Variants in KCNK9 observed in about 807,000 individuals in gnomAD.
KCNK9 encodes the protein potassium channel subfamily K member 9.
A neutral mutation model predicts 10.8 loss-of-function variants in KCNK9; 1 was observed. That is an observed-to-expected ratio of 0.09 (90% CI 0.03 to 0.44). The LOEUF (loss-of-function observed/expected upper bound fraction) is 0.44. KCNK9 is among the 20% of genes least tolerant of loss of function. The probability of loss-of-function intolerance (pLI) is 0.97; values close to 1 mark genes in which losing one functional copy is unlikely to be tolerated. For synonymous variants in KCNK9, 231 were observed against 222.7 expected, an observed-to-expected ratio of 1.04 and a Z score of -0.33; for missense variants, 303 against 515.0, an observed-to-expected ratio of 0.59 and a Z score of 3.98.
chr8:139,687,374 A>G (rs1816815762), intron 1 of KCNK9, among the ~76,000 whole-genome samples: 1 of 137,690 alleles, frequency 7.3e-6, no homozygotes. Context: ...ATATGTGTAT[A>G]CATATATATG....
At chr8:139,696,794 G>T (rs938515025) in intron 1 of KCNK9, among the ~76,000 whole-genome samples, 10 of 150,550 alleles carry the variant, frequency 6.6e-5, no homozygotes, top group Non-Finnish European at 1.3e-4. Context: ...TGGGTAAATG[G>T]ATATAAATGG....
chr8:139,700,508 A>ACACACACG (rs1392898740), intron 1 of KCNK9, among the ~76,000 whole-genome samples: 1 of 118,346 alleles, frequency 8.4e-6, no homozygotes, highest in East Asian at 2.7e-4. Flanking sequence ...ACACACACAC[A>ACACACACG]CGCGCGCGCG....
At position 139,689,767 on chromosome 8, in the gene KCNK9, C is replaced by T. The variant is rs576956676; in HGVS notation, c.283+12943G>A. 9.0e-4 allele frequency among the ~76,000 whole-genome samples: 137 copies of T among 152,074 alleles called. 1 individual carries two copies. Among genetic ancestry groups the T allele is most frequent in the Non-Finnish European group, 1.2e-3 (80 of 67,982 alleles). On this transcript the variant is annotated intron_variant, in intron 1 of 1. Coordinates refer to ENST00000520439, the MANE Select transcript of KCNK9 (RefSeq NM_001282534.2). ...ACGCCATTCTCCTGCCTCAGCCTCCCGAATAGCTGGGACTACAGGCGCCCG... is the reference window on the plus strand; with the variant it reads ...ACGCCATTCTCCTGCCTCAGCCTCCTGAATAGCTGGGACTACAGGCGCCCG...
At chr8:139,609,726 G>A (rs1309400265), downstream of KCNK9, among the ~76,000 whole-genome samples, 1 of 152,180 alleles carries the variant, frequency 6.6e-6, no homozygotes, top group South Asian at 2.1e-4. Context: ...GTTAATTAAG[G>A]ATCCATATGT....
At chr8:139,652,023 T>C (rs1815880553) in intron 1 of KCNK9, among the ~76,000 whole-genome samples, 1 of 152,084 alleles carries the variant, frequency 6.6e-6, no homozygotes, top group Non-Finnish European at 1.5e-5. Context: ...CTGACATTCT[T>C]TGTGTGCCTG....
chr8:139,675,067 T>C (rs1816519557), intron 1 of KCNK9, among the ~76,000 whole-genome samples: 1 of 152,208 alleles, frequency 6.6e-6, no homozygotes, highest in South Asian at 2.1e-4. Context: ...TTTGGCTGAG[T>C]GAGCTACAGG....
At chr8:139,632,627 CCTT>C (rs1815207932) in intron 1 of KCNK9, among the ~76,000 whole-genome samples, 1 of 152,120 alleles carries the variant, frequency 6.6e-6, no homozygotes, top group African/African-American at 2.4e-5. Flanking sequence ...CTCTCTCTGA[CCTT>C]CTGTTTCTGT....
intron 1 of KCNK9, among the ~76,000 whole-genome samples, chr8:139,641,186 C>A (rs941345683): frequency 6.6e-6 from 1 of 152,138 alleles, no homozygotes; most frequent in Non-Finnish European, 1.5e-5. Context: ...TTGGGGGTAG[C>A]GGTGTGTGCT....
chr8:139,656,018 C>T (rs551401911), intron 1 of KCNK9, among the ~76,000 whole-genome samples: 3 of 151,386 alleles, frequency 2.0e-5, no homozygotes, highest in East Asian at 3.9e-4. Context: ...GCAAGCAGGG[C>T]GGCCCTCTAA....
At chr8:139,700,516 GCGCGCA>G (rs1174055763) in intron 1 of KCNK9, among the ~76,000 whole-genome samples, 171 of 137,878 alleles carry the variant, frequency 1.2e-3, no homozygotes, top group African/African-American at 4.5e-3. Context: ...ACACGCGCGC[GCGCGCA>G]CACACACACA....
chr8:139,691,003 C>A lies in KCNK9; in HGVS notation c.283+11707G>T, dbSNP rs181557877. ...CTGTCTTCCACCAGCCCAGGGTGGG[C>A]TTATGTGGCAAGCATGCTACCACTG... On this transcript the variant is annotated intron_variant, in intron 1 of 1. Transcript: ENST00000520439. 1.1e-4 allele frequency among the ~76,000 whole-genome samples: 17 copies of A among 152,330 alleles called. No individual in the cohort carries two copies. The East Asian group carries it at 3.1e-3, about 28-fold the overall frequency.
chr8:139,650,888 C>A (rs1815842738), intron 1 of KCNK9, among the ~76,000 whole-genome samples: 1 of 152,198 alleles, frequency 6.6e-6, no homozygotes, highest in African/African-American at 2.4e-5. Flanking sequence ...CTTGACACCC[C>A]CGGAAGTGAT....
At chr8:139,678,894 G>A (rs961360050) in intron 1 of KCNK9, among the ~76,000 whole-genome samples, 5 of 152,264 alleles carry the variant, frequency 3.3e-5, no homozygotes, top group African/African-American at 1.2e-4. Flanking sequence ...ACAGGGCACA[G>A]CTAAATCCAG....
chr8:139,602,075 GGAAA>G (rs1186774169), intron 2 of KCNK9: 1 of 152,364 alleles, frequency 6.6e-6, no homozygotes. Context: ...TGCAACAGAA[GGAAA>G]GAAAGTCCTG....
At chr8:139,680,101 C>A (rs1816654466) in intron 1 of KCNK9, among the ~76,000 whole-genome samples, 1 of 152,142 alleles carries the variant, frequency 6.6e-6, no homozygotes. Context: ...TACGGGGACT[C>A]AGGAGTGATG....
intron 1 of KCNK9, among the ~76,000 whole-genome samples, chr8:139,680,035 T>A (rs1361688435): frequency 6.6e-6 from 1 of 152,192 alleles, no homozygotes; most frequent in African/African-American, 2.4e-5. Flanking sequence ...CTGGGGACCA[T>A]GGCTCCCACC....
At chr8:139,694,808 G>A (rs1817013512) in intron 1 of KCNK9, among the ~76,000 whole-genome samples, 1 of 151,874 alleles carries the variant, frequency 6.6e-6, no homozygotes, top group Non-Finnish European at 1.5e-5. Flanking sequence ...GGATGGCTCA[G>A]GGCAGGTCCA....
At chr8:139,641,804 C>T (rs1289263316) in intron 1 of KCNK9, among the ~76,000 whole-genome samples, 2 of 152,210 alleles carry the variant, frequency 1.3e-5, no homozygotes, top group Non-Finnish European at 2.9e-5. Context: ...TCCAATGCAA[C>T]TGCCCTGACA....
rs1465520031 is a variant in KCNK9 at position 139,702,309 on chromosome 8, C to T, written c.283+401G>A. On this transcript the variant is annotated intron_variant, in intron 1 of 1. Coordinates refer to ENST00000520439, the MANE Select transcript of KCNK9 (RefSeq NM_001282534.2). The surrounding 1 kb of genome is among the most constrained non-coding windows in gnomAD (Gnocchi z 7.5). ...GGTGCCAGGCCAGCCCTCTCCAACT[C>T]CCAGAGAGGTAGTAAGTGTAAGGCT... Among the ~76,000 whole-genome samples the T allele has an allele frequency of 6.6e-6, 1 of 152,216 alleles. No homozygotes were observed. The highest frequency in any genetic ancestry group is 1.5e-5 in the Non-Finnish European group (1 of 68,028).
Sources: gnomAD v4.1 joint callset for allele counts (sites outside exome capture counted in the v4.1 genomes callset) on GRCh38, gnomAD v4.1.1 for gene constraint, Gnocchi (gnomAD v3.1) non-coding constraint, MANE v1.5 for transcripts, NCBI Gene and HGNC (gene_info 2026-07-23, HGNC 2026-07-21) for gene names.